Variants in UNC5C observed in about 807,000 individuals in gnomAD.
UNC5C encodes the protein netrin receptor UNC5C.
UNC5C carries 47 observed loss-of-function variants against 99.8 expected under a neutral mutation model. The ratio of observed to expected loss-of-function variants is 0.47; its 90% CI spans 0.37 to 0.60. The LOEUF (loss-of-function observed/expected upper bound fraction) is 0.60. Among genes scored for constraint, UNC5C ranks in the 20% least tolerant of loss-of-function variants. The pLI, the probability that UNC5C is intolerant of heterozygous loss-of-function variation, is 0.00. For synonymous variants in UNC5C, 487 were observed against 452.2 expected, an observed-to-expected ratio of 1.08 and a Z score of -0.98; for missense variants, 1,062 against 1,165.9, an observed-to-expected ratio of 0.91 and a Z score of 1.30.
chr4:95,405,232 C>T (rs542300316), intron 1 of UNC5C, among the ~76,000 whole-genome samples: 2 of 152,286 alleles, frequency 1.3e-5, no homozygotes, highest in Admixed American at 1.3e-4. Flanking sequence ...GTTGCAGGCA[C>T]CCACCCCTAG....
intron 1 of UNC5C, among the ~76,000 whole-genome samples, chr4:95,357,220 T>G (rs574651692): frequency 6.6e-6 from 1 of 151,936 alleles, no homozygotes. Context: ...CACTGCAGCC[T>G]CCAACTCCTG....
At chr4:95,534,982 A>T (rs1480004576) in intron 1 of UNC5C, among the ~76,000 whole-genome samples, 2 of 152,148 alleles carry the variant, frequency 1.3e-5, no homozygotes, top group Non-Finnish European at 2.9e-5. Flanking sequence ...AAGGGTAAAA[A>T]GTTTGCTAAC....
rs1721273413 is a variant in UNC5C at position 95,484,648 on chromosome 4, T to C, written c.124+64086A>G. 6.6e-5 allele frequency among the ~76,000 whole-genome samples: 10 copies of C among 151,866 alleles called. No individual in the cohort carries two copies. The South Asian group carries it at 2.1e-3, about 31-fold the overall frequency. On this transcript the variant is annotated intron_variant, in intron 1 of 15. Transcript: ENST00000453304. ...ACAATAAGAAGCTCCTCTAGTATCC[T>C]TACCCATGCAAACATAAAGTAGACA...
chr4:95,508,506 T>C (rs1469135606), intron 1 of UNC5C, among the ~76,000 whole-genome samples: 2 of 152,018 alleles, frequency 1.3e-5, no homozygotes, highest in Admixed American at 6.6e-5. Flanking sequence ...TTTGTCAATA[T>C]GAATTCTCTG....
At chr4:95,279,579 C>T (rs1324613430) in intron 3 of UNC5C, among the ~76,000 whole-genome samples, 2 of 152,152 alleles carry the variant, frequency 1.3e-5, no homozygotes, top group African/African-American at 2.4e-5. Context: ...AACTTTGAAG[C>T]AGCATTTTTT....
intron 1 of UNC5C, among the ~76,000 whole-genome samples, chr4:95,511,118 A>G (rs2149487430): frequency 6.6e-6 from 1 of 152,278 alleles, no homozygotes; most frequent in East Asian, 1.9e-4. Context: ...TTCATCCAAG[A>G]GAAATGCCTT....
chr4:95,542,947 T>A (rs2149496728), intron 1 of UNC5C, among the ~76,000 whole-genome samples: 1 of 152,218 alleles, frequency 6.6e-6, no homozygotes, highest in Admixed American at 6.5e-5. Context: ...CATTACTAAG[T>A]TTCTTTTTTT....
chr4:95,234,893 T>C (rs1739054324), intron 7 of UNC5C, among the ~76,000 whole-genome samples: 1 of 152,220 alleles, frequency 6.6e-6, no homozygotes, highest in Non-Finnish European at 1.5e-5. Flanking sequence ...ATTTCACAAA[T>C]GAAATTACAC....
chr4:95,538,855 T>G (rs530818409), intron 1 of UNC5C, among the ~76,000 whole-genome samples: 8 of 152,324 alleles, frequency 5.3e-5, no homozygotes, highest in African/African-American at 1.9e-4. Context: ...ATTATGTTTA[T>G]TCTTTCTTTA....
At chr4:95,427,405 A>C (rs1001649847) in intron 1 of UNC5C, among the ~76,000 whole-genome samples, 1 of 152,186 alleles carries the variant, frequency 6.6e-6, no homozygotes, top group Non-Finnish European at 1.5e-5. Flanking sequence ...ATGAAACTGC[A>C]TTGTATGCTA....
intron 1 of UNC5C, among the ~76,000 whole-genome samples, chr4:95,501,160 C>A (rs1165013047): frequency 6.6e-6 from 1 of 152,020 alleles, no homozygotes; most frequent in Non-Finnish European, 1.5e-5. Context: ...TTGGAAGGTG[C>A]TTTATAGACG....
At chr4:95,520,344 T>G (rs775447486) in intron 1 of UNC5C, among the ~76,000 whole-genome samples, 3 of 152,166 alleles carry the variant, frequency 2.0e-5, no homozygotes, top group African/African-American at 7.2e-5. Context: ...CACTTAAACA[T>G]TTTTCATTTT....
Position 95,182,896 on chromosome 4 carries a change from C to A in UNC5C, c.2451+1G>T. ...ATTTCAGACAGACAGGAGCCACTTA[C>A]CTCTGACACGGTGCAGTTGAGCTGG... On this transcript the variant is annotated splice_donor_variant, in intron 14 of 15. Transcript: ENST00000453304. LOFTEE classifies it high-confidence loss of function. 6.2e-7 allele frequency: 1 copy of A among 1,611,126 alleles called. No homozygotes were observed. Among genetic ancestry groups the A allele is most frequent in the Non-Finnish European group, 8.5e-7 (1 of 1,177,744 alleles).
At chr4:95,292,326 G>GT (rs559766519) in intron 3 of UNC5C, among the ~76,000 whole-genome samples, 197 of 149,516 alleles carry the variant, frequency 1.3e-3, no homozygotes, top group Non-Finnish European at 2.3e-3. Flanking sequence ...CTGGAGTGCA[G>GT]TAGTGCGATC....
Position 95,345,392 on chromosome 4 carries a change from T to C in UNC5C, c.125-9761A>G, listed in dbSNP as rs368803851. Among the ~76,000 whole-genome samples the C allele has an allele frequency of 1.6e-4, 25 of 151,950 alleles. No individual in the cohort carries two copies. The South Asian group carries it at 4.6e-3, about 28-fold the overall frequency. ...TTAGAGCTAAAGAGAGAGATAGACC[T>C]CAATACAGTTAAAGCTGGAAACTGC... On this transcript the variant is annotated intron_variant, in intron 1 of 15. Coordinates refer to ENST00000453304, the MANE Select transcript of UNC5C (RefSeq NM_003728.4).
intron 1 of UNC5C, among the ~76,000 whole-genome samples, chr4:95,351,956 A>G (rs182107518): frequency 1.3e-5 from 2 of 151,994 alleles, no homozygotes; most frequent in South Asian, 2.1e-4. Context: ...TTAGCACTCT[A>G]TTGCTTCCTG....
chr4:95,422,053 G>C (rs1056013122), intron 1 of UNC5C, among the ~76,000 whole-genome samples: 2 of 152,156 alleles, frequency 1.3e-5, no homozygotes, highest in African/African-American at 4.8e-5. Context: ...CAAGACAGCA[G>C]GCAACATGAA....
intron 10 of UNC5C, among the ~76,000 whole-genome samples, chr4:95,209,829 T>C (rs1738016140): frequency 6.6e-6 from 1 of 152,212 alleles, no homozygotes; most frequent in Non-Finnish European, 1.5e-5. Context: ...TTCTATTTTT[T>C]CCTCTCCTGG....
At chr4:95,233,707 G>T (rs1436049873) in intron 7 of UNC5C, among the ~76,000 whole-genome samples, 1 of 152,140 alleles carries the variant, frequency 6.6e-6, no homozygotes, top group Non-Finnish European at 1.5e-5. Context: ...AGGCTGAGGT[G>T]GGCAGATCAC....
Sources: allele counts gnomAD v4.1 joint callset (sites outside exome capture counted in the v4.1 genomes callset), GRCh38; gene constraint gnomAD v4.1.1; transcripts MANE v1.5; gene names NCBI Gene and HGNC (gene_info 2026-07-23, HGNC 2026-07-21).